RBMS3: variants seen among roughly 807,000 people sequenced by gnomAD.
RBMS3 encodes RNA-binding motif, single-stranded-interacting protein 3.
In RBMS3, 27 loss-of-function variants were observed where a neutral mutation model predicts 66.8. The ratio of observed to expected loss-of-function variants is 0.40; its 90% CI spans 0.30 to 0.56. The LOEUF (loss-of-function observed/expected upper bound fraction) is 0.56, where lower values mean the gene tolerates loss of function less well. Ranked by LOEUF, RBMS3 falls within the 20% of genes least tolerant of loss-of-function variation. RBMS3 has a pLI of 0.40. For missense variants in RBMS3, 513 were observed against 549.5 expected (o/e 0.93, Z 0.66); for synonymous variants, 188 against 183.0 (o/e 1.03, Z -0.22).
chr3:29,622,200 T>A (rs1413530201), intron 4 of RBMS3, among the ~76,000 whole-genome samples: 1 of 152,324 alleles, frequency 6.6e-6, no homozygotes, highest in East Asian at 1.9e-4. Context: ...AAACAAGGCA[T>A]AAAATGTTCC....
chr3:29,859,490 C>A lies in RBMS3; in HGVS notation c.638-9368C>A, dbSNP rs138918652. Among the ~76,000 whole-genome samples the A allele has an allele frequency of 8.4e-4, 128 of 152,302 alleles. 2 individuals carry two copies. The East Asian group carries it at 0.023, about 28-fold the overall frequency. ...ATTGTAACTTTGCCACCAACTACCA[C>A]AAATTAGCAAGCAATTCGTTAAACT... On this transcript the variant is annotated intron_variant, in intron 6 of 14. Coordinates refer to ENST00000383767, the MANE Select transcript of RBMS3 (RefSeq NM_001003793.3).
intron 6 of RBMS3, among the ~76,000 whole-genome samples, chr3:29,853,141 C>T (rs1351260267): frequency 1.3e-5 from 2 of 152,066 alleles, no homozygotes; most frequent in Non-Finnish European, 2.9e-5. Context: ...AGGAACAACA[C>T]ACTGTGGCCT....
chr3:29,701,010 GA>G (rs1450811499), intron 4 of RBMS3, among the ~76,000 whole-genome samples: 1 of 152,140 alleles, frequency 6.6e-6, no homozygotes, highest in Non-Finnish European at 1.5e-5. Flanking sequence ...TTAATTCTGA[GA>G]ACAATGAAGA....
At chr3:29,685,361 C>T (rs934094327) in intron 4 of RBMS3, among the ~76,000 whole-genome samples, 64 of 152,248 alleles carry the variant, frequency 4.2e-4, no homozygotes, top group Non-Finnish European at 6.3e-4. Flanking sequence ...GCGCCCAGCC[C>T]GGTAAACATT....
chr3:29,404,557 A>G (rs1364446934), intron 1 of RBMS3, among the ~76,000 whole-genome samples: 1 of 152,078 alleles, frequency 6.6e-6, no homozygotes, highest in African/African-American at 2.4e-5. Context: ...CTTAATTGCA[A>G]CACTATTTTC....
chr3:29,484,041 A>G (rs1050300397), intron 2 of RBMS3, among the ~76,000 whole-genome samples: 1 of 152,238 alleles, frequency 6.6e-6, no homozygotes, highest in Non-Finnish European at 1.5e-5. Flanking sequence ...TGCTCTTTGT[A>G]ACACTGTGAG....
At chr3:29,578,639 A>G (rs1173498485) in intron 3 of RBMS3, among the ~76,000 whole-genome samples, 1 of 152,102 alleles carries the variant, frequency 6.6e-6, no homozygotes, top group Non-Finnish European at 1.5e-5. Context: ...GAAGGGGGAA[A>G]TCATGGATGG....
intron 12 of RBMS3, among the ~76,000 whole-genome samples, chr3:29,950,735 A>C (rs1469409091): frequency 6.6e-6 from 1 of 151,246 alleles, no homozygotes; most frequent in Non-Finnish European, 1.5e-5. Flanking sequence ...TAACATTTTA[A>C]CCTCTTCTTT....
At chr3:29,751,513 A>T (rs1207821808) in intron 5 of RBMS3, among the ~76,000 whole-genome samples, 2 of 152,192 alleles carry the variant, frequency 1.3e-5, no homozygotes, top group Non-Finnish European at 2.9e-5. Context: ...GACAACTTGA[A>T]CACACACAAA....
intron 3 of RBMS3, among the ~76,000 whole-genome samples, chr3:29,532,443 C>CT (rs1293743208): frequency 9.2e-5 from 14 of 151,744 alleles, no homozygotes; most frequent in Non-Finnish European, 1.2e-4. Flanking sequence ...CTTGCCAACA[C>CT]TGTGCCCACT....
chr3:29,655,823 GC>G (rs2050305653), intron 4 of RBMS3, among the ~76,000 whole-genome samples: 1 of 151,976 alleles, frequency 6.6e-6, no homozygotes, highest in South Asian at 2.1e-4. Flanking sequence ...GTATGTTATT[GC>G]CCCTAAAGAC....
chr3:29,730,051 A>AT, intron 4 of RBMS3, among the ~76,000 whole-genome samples: 1 of 152,064 alleles, frequency 6.6e-6, no homozygotes, highest in Non-Finnish European at 1.5e-5. Flanking sequence ...GTAATGATAT[A>AT]TATCTTACCT....
At chr3:29,722,858 G>T (rs926979545) in intron 4 of RBMS3, among the ~76,000 whole-genome samples, 5 of 152,024 alleles carry the variant, frequency 3.3e-5, no homozygotes, top group Admixed American at 3.3e-4. Context: ...ATACTACTTT[G>T]ATCACTTGTT....
chr3:29,667,095 T>C (rs1296374802), intron 4 of RBMS3, among the ~76,000 whole-genome samples: 1 of 152,192 alleles, frequency 6.6e-6, no homozygotes, highest in Non-Finnish European at 1.5e-5. Flanking sequence ...CAAAAATATC[T>C]GGGAAATAAT....
At chr3:29,286,011 A>G (rs1238871594) in intron 1 of RBMS3, among the ~76,000 whole-genome samples, 6 of 152,162 alleles carry the variant, frequency 3.9e-5, no homozygotes, top group Non-Finnish European at 8.8e-5. Flanking sequence ...TCCAGTTGGT[A>G]ACTTGCCAGT....
chr3:29,523,714 T>C (rs775929480), intron 3 of RBMS3, among the ~76,000 whole-genome samples: 2 of 151,938 alleles, frequency 1.3e-5, no homozygotes, highest in Non-Finnish European at 2.9e-5. Flanking sequence ...AAGTTTTACA[T>C]AGATGATCTC....
intron 6 of RBMS3, among the ~76,000 whole-genome samples, chr3:29,855,290 T>C (rs538793239): frequency 2.0e-5 from 3 of 152,324 alleles, no homozygotes; most frequent in African/African-American, 7.2e-5. Context: ...AAAGATCATA[T>C]ATATCAAATC....
chr3:29,460,094 G>A (rs1228039269), intron 2 of RBMS3, among the ~76,000 whole-genome samples: 1 of 152,152 alleles, frequency 6.6e-6, no homozygotes, highest in Non-Finnish European at 1.5e-5. Flanking sequence ...TTCTTCTTCA[G>A]CATAACAGCC....
chr3:29,956,730 C>G (rs530059675), intron 12 of RBMS3, among the ~76,000 whole-genome samples: 2 of 152,206 alleles, frequency 1.3e-5, no homozygotes, highest in East Asian at 3.9e-4. Flanking sequence ...TCTAACTGGT[C>G]GGACTGATTC....
Sources: gnomAD v4.1 joint callset for allele counts (sites outside exome capture counted in the v4.1 genomes callset) on GRCh38, gnomAD v4.1.1 for gene constraint, MANE v1.5 for transcripts, NCBI Gene and HGNC (gene_info 2026-07-23, HGNC 2026-07-21) for gene names.